Variants in KIF1C observed in about 807,000 individuals in gnomAD.
KIF1C encodes kinesin-like protein KIF1C.
KIF1C carries 61 observed loss-of-function variants against 126.5 expected under a neutral mutation model. The ratio of observed to expected loss-of-function variants is 0.48; its 90% CI spans 0.39 to 0.60. The LOEUF is 0.60. KIF1C is among the 20% of genes least tolerant of loss of function. The pLI, the probability that KIF1C is intolerant of heterozygous loss-of-function variation, is 0.00. For synonymous variants in KIF1C, 640 were observed against 580.6 expected, an observed-to-expected ratio of 1.10 and a Z score of -1.47; for missense variants, 1,315 against 1,489.2, an observed-to-expected ratio of 0.88 and a Z score of 1.93.
At position 5,022,944 on chromosome 17, in the gene KIF1C, A is replaced by G. The variant is rs1304045036; in HGVS notation, c.2628+235A>G. On this transcript the variant is annotated intron_variant, in intron 22 of 22. Coordinates refer to ENST00000320785, the MANE Select transcript of KIF1C (RefSeq NM_006612.6). The surrounding 1 kb of genome is among the most constrained non-coding windows in gnomAD (Gnocchi z 4.9). ...ACTGAATCCACATCTTTGGGGACAA[A>G]TCTGCATTTATAATAAGCTCTGGGT... Among the ~76,000 whole-genome samples, 2 of 152,204 alleles carry G rather than the reference A, an allele frequency of 1.3e-5. No individual in the cohort carries two copies. Among genetic ancestry groups the G allele is most frequent in the South Asian group, 2.1e-4 (1 of 4,834 alleles).
At position 5,020,360 on chromosome 17, in the gene KIF1C, A is replaced by G. The variant is rs768551320; in HGVS notation, c.1751-132A>G. The G allele has an allele frequency of 1.8e-4, 169 of 965,594 alleles. 1 individual carries two copies. The highest frequency in any genetic ancestry group is 1.1e-3 in the Admixed American group (38 of 35,896). 59.8% of individuals were successfully genotyped at this position (965,594 alleles called of 1,614,324 possible). A position where few individuals can be genotyped will look rare whatever the true frequency, so the allele number is the denominator to read the frequency against. ...GTCAGCCAGGGGAGCATAGGCTCCAACTGCCTTCAGACTTGGGGTGATGAA... is the reference window on the plus strand; with the variant it reads ...GTCAGCCAGGGGAGCATAGGCTCCAGCTGCCTTCAGACTTGGGGTGATGAA... On this transcript the variant is annotated intron_variant, in intron 19 of 22. Coordinates refer to ENST00000320785, the MANE Select transcript of KIF1C (RefSeq NM_006612.6). The surrounding 1 kb of genome is among the most constrained non-coding windows in gnomAD (Gnocchi z 5.8).
At chr17:5,009,133 T>C (rs971601035) in intron 16 of KIF1C, among the ~76,000 whole-genome samples, 2 of 151,214 alleles carry the variant, frequency 1.3e-5, no homozygotes, top group African/African-American at 4.9e-5. Context: ...AAAGTAACTC[T>C]CCATCCTTCC....
rs202033753 is a variant in KIF1C, at chr17:5,000,791, G to C, written c.126G>C (p.Gln42His). The part of the protein sequence containing the change: ...GNTTSIINPK[Q>H]SKDAPKSFTF... ...CCTCAGCCATCATCAATCCTAAACA[G>C]AGCAAGGATGCCCCCAAAAGCTTCA... The change falls in exon 4 of 23, where the codon CAG becomes CAC. Residue 42 changes from glutamine (Q) to histidine (H), a missense_variant. Coordinates refer to ENST00000320785, the MANE Select transcript of KIF1C (RefSeq NM_006612.6). The C allele has an allele frequency of 1.1e-5, 18 of 1,614,030 alleles. No homozygotes were observed. In the Admixed American group the frequency reaches 1.2e-4, roughly 10 times the overall value.
At chr17:5,015,325 C>T (rs995632470) in intron 18 of KIF1C, among the ~76,000 whole-genome samples, 7 of 151,964 alleles carry the variant, frequency 4.6e-5, no homozygotes, top group Non-Finnish European at 8.8e-5. Flanking sequence ...CTCTTGTCGC[C>T]CAGGCTGGAG....
chr17:5,010,283 G>A (rs1974832605), intron 16 of KIF1C, among the ~76,000 whole-genome samples: 1 of 152,068 alleles, frequency 6.6e-6, no homozygotes, highest in South Asian at 2.1e-4. Flanking sequence ...GTATTCTATT[G>A]TGTAGATGTA....
rs551884040 is a variant in KIF1C, at chr17:5,022,113, G to C, written c.2032G>C (p.Asp678His). ...CCAGTATGCAGACTCGGACAGCGGGGATGACTCTGACAAGCGCTCTTGTGA... is the reference window on the plus strand; with the variant it reads ...CCAGTATGCAGACTCGGACAGCGGGCATGACTCTGACAAGCGCTCTTGTGA... ...QRLYADSDSG[D>H]DSDKRSCEES... The change falls in exon 22 of 23, where the codon GAT (aspartate) becomes CAT (histidine). Residue 678 changes from aspartate to histidine, a missense_variant. Physicochemically the swap from Asp to His is moderately conservative, Grantham distance 81. Around this residue, in one of 2 missense-constraint regions of KIF1C, gnomAD observed 874 missense variants for 1,053.2 expected, o/e 0.83. Coordinates refer to ENST00000320785, the MANE Select transcript of KIF1C (RefSeq NM_006612.6). The surrounding 1 kb of genome is among the most constrained non-coding windows in gnomAD (Gnocchi z 4.9). 1 of 1,607,616 alleles carries C rather than the reference G, an allele frequency of 6.2e-7. No homozygotes were observed. The highest frequency in any genetic ancestry group is 8.5e-7 in the Non-Finnish European group (1 of 1,175,384).
chr17:5,022,187 C>T lies in KIF1C; in HGVS notation c.2106C>T (p.Thr702=), dbSNP rs1975104376. The T allele has an allele frequency of 6.2e-7, 1 of 1,614,104 alleles. No homozygotes were observed. The highest frequency in any genetic ancestry group is 8.5e-7 in the Non-Finnish European group (1 of 1,180,002). The change falls in exon 22 of 23, where the codon ACC becomes ACT. Residue 702 remains threonine (T), a synonymous_variant. Transcript: ENST00000320785. This position sits in a 1 kb window ranked among gnomAD's most constrained non-coding sequence, Gnocchi z 4.9. ...CCTTGCGGGAGCAGCTGCCGCCCACCACGGTCCAGACCATTGTCAAACGCT... is the reference window on the plus strand; with the variant it reads ...CCTTGCGGGAGCAGCTGCCGCCCACTACGGTCCAGACCATTGTCAAACGCT... ...ISSLREQLPP[T]TVQTIVKRCG... is the part of the protein sequence containing the mutation.
chr17:5,002,956 T>A, intron 8 of KIF1C, 114 bp downstream of exon 8: 1 of 773,442 alleles, frequency 1.3e-6, no homozygotes, highest in Non-Finnish European at 2.1e-6. Context: ...GTTGAGTGCC[T>A]CCTCAGGACT....
Position 5,022,023 on chromosome 17 carries a change from C to A in KIF1C, c.2011-69C>A. ...GCGTGTTTCCAGTGTACTTAGGACA[C>A]ACTGGGCCAAGACACATGGGCTCTG... is the stretch of plus-strand genomic sequence containing the variant. On this transcript the variant is annotated intron_variant, in intron 21 of 22. Transcript: ENST00000320785. The surrounding 1 kb of genome is among the most constrained non-coding windows in gnomAD (Gnocchi z 4.9). 6.6e-7 allele frequency: 1 copy of A among 1,505,308 alleles called. No individual in the cohort carries two copies. Among genetic ancestry groups the A allele is most frequent in the Non-Finnish European group, 8.9e-7 (1 of 1,123,694 alleles). 93.2% of individuals were successfully genotyped at this position (1,505,308 alleles called of 1,614,324 possible).
rs1187027442 is a variant in KIF1C, at chr17:5,028,333, A to G, written c.*4182A>G. On this transcript the variant is annotated 3_prime_UTR_variant, in exon 23 of 23. Coordinates refer to ENST00000320785, the MANE Select transcript of KIF1C (RefSeq NM_006612.6). ...ACCGACATATGTTGGTTATTCTTTT[A>G]GACATGTTTTTTGTTGTTGTTGTCA... The G allele has an allele frequency of 6.6e-6, 1 of 151,936 alleles. No individual in the cohort carries two copies. Among genetic ancestry groups the G allele is most frequent in the Non-Finnish European group, 1.5e-5 (1 of 68,008 alleles). The allele number at this position is 151,936 out of a possible 1,614,324, so 9.4% of individuals were successfully genotyped here.
intron 16 of KIF1C, among the ~76,000 whole-genome samples, chr17:5,012,622 T>A (rs1362942809): frequency 1.3e-5 from 2 of 151,876 alleles, no homozygotes; most frequent in African/African-American, 2.4e-5. Flanking sequence ...GGCAAAGACA[T>A]GGCCATAGCG....
At chr17:5,000,195 C>T in intron 2 of KIF1C, 25 bp from the exon 3 acceptor site, 1 of 1,339,224 alleles carries the variant, frequency 7.5e-7, no homozygotes, top group Non-Finnish European at 1.0e-6. Context: ...GTTCTGACCC[C>T]ACCACTCCTT....
Position 5,002,750 on chromosome 17 carries a change from A to T in KIF1C, c.628A>T (p.Met210Leu). The change falls in exon 8 of 23, where the codon ATG becomes TTG. Residue 210 changes from methionine (M) to leucine (L), a missense_variant. This residue lies in a region of KIF1C where 874 missense variants were observed against 1,053.2 expected (regional missense o/e 0.83). Transcript: ENST00000320785. ...NKARTVAATN[M>L]NETSSRSHAV... ...CCTAAGGACTGTGGCTGCCACCAAC[A>T]TGAATGAGACCAGCAGCCGTTCCCA... 2 of 1,614,054 alleles carry T rather than the reference A, an allele frequency of 1.2e-6. No homozygotes were observed. The highest frequency in any genetic ancestry group is 2.2e-5 in the South Asian group (2 of 91,082).
chr17:5,013,922 C>T (rs1335072839), intron 17 of KIF1C, among the ~76,000 whole-genome samples, 190 bp downstream of exon 17: 1 of 152,022 alleles, frequency 6.6e-6, no homozygotes, highest in Non-Finnish European at 1.5e-5. Context: ...GCTGTCTTGC[C>T]TCCACCTGCC....
At chr17:5,015,564 G>A (rs1417405473) in intron 18 of KIF1C, among the ~76,000 whole-genome samples, 1 of 145,066 alleles carries the variant, frequency 6.9e-6, no homozygotes, top group Non-Finnish European at 1.5e-5. Context: ...GATTACAGGC[G>A]TGAGCCACTG....
In KIF1C at chr17:5,003,835, C is replaced by T. The variant is rs768209373; in HGVS notation, c.799-16C>T. On this transcript the variant is annotated splice_polypyrimidine_tract_variant and intron_variant, in intron 9 of 22. Coordinates refer to ENST00000320785, the MANE Select transcript of KIF1C (RefSeq NM_006612.6). ...GAGAAGAGGGTCTCATCCCCACATT[C>T]CTCATCCTTTTCCAGGAAGGAGCCA... 3 of 1,610,418 alleles carry T rather than the reference C, an allele frequency of 1.9e-6. No individual in the cohort carries two copies. The highest frequency in any genetic ancestry group is 1.7e-5 in the Admixed American group (1 of 59,994).
At chr17:5,007,225 C>G in intron 14 of KIF1C, 38 bp from the exon 15 acceptor site, 2 of 1,585,644 alleles carry the variant, frequency 1.3e-6, no homozygotes, top group Non-Finnish European at 1.7e-6. Flanking sequence ...TCTGCTTGTC[C>G]CAGACCATCC....
Position 5,001,415 on chromosome 17 carries a change from C to T in KIF1C, c.363+14C>T. ...ATCGTGCCCCAGGTACGCCTAGGAC[C>T]TGGTGGGGCAGCCAGGGCAGGAGCA... On this transcript the variant is annotated intron_variant, in intron 5 of 22. Coordinates refer to ENST00000320785, the MANE Select transcript of KIF1C (RefSeq NM_006612.6). The T allele has an allele frequency of 6.2e-7, 1 of 1,612,130 alleles. No homozygotes were observed. Among genetic ancestry groups the T allele is most frequent in the Non-Finnish European group, 8.5e-7 (1 of 1,178,754 alleles).
At chr17:5,015,883 A>G (rs1285567985) in intron 18 of KIF1C, among the ~76,000 whole-genome samples, 2 of 152,138 alleles carry the variant, frequency 1.3e-5, no homozygotes, top group Non-Finnish European at 2.9e-5. Flanking sequence ...GGCGTGAGCC[A>G]CTGCACCTGC....
Sources: gnomAD v4.1 joint callset for allele counts (sites outside exome capture counted in the v4.1 genomes callset) on GRCh38, gnomAD v4.1.1 for gene constraint, gnomAD v4.1.1 regional missense constraint, Gnocchi (gnomAD v3.1) non-coding constraint, MANE v1.5 for transcripts, NCBI Gene and HGNC (gene_info 2026-07-23, HGNC 2026-07-21) for gene names.